Variants in PXDNL observed in about 807,000 individuals in gnomAD.
PXDNL encodes peroxidasin like.
A neutral mutation model predicts 150.8 loss-of-function variants in PXDNL; 145 were observed. That is an observed-to-expected ratio of 0.96 (90% CI 0.84 to 1.10). The LOEUF is 1.10. PXDNL is among the 50% of genes least tolerant of loss of function. PXDNL has a pLI of 0.00. For missense variants in PXDNL, 2,087 were observed against 1,873.9 expected (o/e 1.11, Z -2.10); for synonymous variants, 757 against 725.7 (o/e 1.04, Z -0.69).
rs995061284 is a variant in PXDNL, at chr8:51,424,374, TA to T, written c.1639-644del. 3.3e-5 allele frequency among the ~76,000 whole-genome samples: 5 copies of T among 151,730 alleles called. No individual in the cohort carries two copies. The South Asian group carries it at 8.3e-4, about 25-fold the overall frequency. ...ACATAGCAAGATCCCATATCTAAAA[TA>T]AAAAAAATAAAAATTAACGAGGAGA... On this transcript the variant is annotated intron_variant, in intron 13 of 22. Transcript: ENST00000356297.
chr8:51,633,069 C>T lies in PXDNL; in HGVS notation c.236+21620G>A, dbSNP rs182123503. 5.6e-3 allele frequency among the ~76,000 whole-genome samples: 846 copies of T among 152,132 alleles called. 4 individuals carry two copies. The highest frequency in any genetic ancestry group is 9.1e-3 in the Non-Finnish European group (622 of 67,988). On this transcript the variant is annotated intron_variant, in intron 2 of 22. Transcript: ENST00000356297. ...CTTCCCTCTCTCACCATTCTAATAC[C>T]CCCCGTGTCAATTTGTTCCCATATT...
At chr8:51,593,787 G>A (rs1346113289) in intron 2 of PXDNL, among the ~76,000 whole-genome samples, 1 of 152,138 alleles carries the variant, frequency 6.6e-6, no homozygotes, top group African/African-American at 2.4e-5. Context: ...GTGACTGCCT[G>A]GTGTCCTGGC....
chr8:51,784,737 A>G (rs2037445371), intron 1 of PXDNL, among the ~76,000 whole-genome samples: 1 of 44,574 alleles, frequency 2.2e-5, no homozygotes, highest in African/African-American at 3.3e-5. Flanking sequence ...CTGCAGTTAG[A>G]AAAAAAAAAT....
rs761492366 is a variant in PXDNL, at chr8:51,395,627, A to G, written c.3557+12440T>C. Among the ~76,000 whole-genome samples the G allele has an allele frequency of 2.6e-4, 39 of 152,316 alleles. No individual in the cohort carries two copies. The South Asian group carries it at 5.0e-3, about 19-fold the overall frequency. ...TGAAGCTGTGAAAGAGAGGATCTAGAAAGATTAAAAGATGATATAATTTGG... is the reference window on the plus strand; with the variant it reads ...TGAAGCTGTGAAAGAGAGGATCTAGGAAGATTAAAAGATGATATAATTTGG... On this transcript the variant is annotated intron_variant, in intron 17 of 22. Coordinates refer to ENST00000356297, the MANE Select transcript of PXDNL (RefSeq NM_144651.5).
At chr8:51,403,781 A>G (rs1168658841) in intron 17 of PXDNL, among the ~76,000 whole-genome samples, 7 of 152,190 alleles carry the variant, frequency 4.6e-5, no homozygotes, top group African/African-American at 1.7e-4. Context: ...GGTATTAATA[A>G]GCGGGGCCTT....
At chr8:51,761,219 CA>C (rs2037163635) in intron 1 of PXDNL, among the ~76,000 whole-genome samples, 1 of 151,842 alleles carries the variant, frequency 6.6e-6, no homozygotes, top group African/African-American at 2.4e-5. Context: ...GAATGAGAGG[CA>C]TTACTTGATA....
chr8:51,672,243 A>G (rs1815510997), intron 1 of PXDNL, among the ~76,000 whole-genome samples: 1 of 152,146 alleles, frequency 6.6e-6, no homozygotes. Context: ...CAGCCTCCCA[A>G]AGTGCTGGGA....
chr8:51,350,600 C>T (rs1271791192), intron 19 of PXDNL, among the ~76,000 whole-genome samples: 5 of 151,940 alleles, frequency 3.3e-5, no homozygotes, highest in Non-Finnish European at 7.4e-5. Flanking sequence ...GGTGATCCGC[C>T]CACCTCGGCC....
At position 51,735,978 on chromosome 8, in the gene PXDNL, C is replaced by G. The variant is rs145493178; in HGVS notation, c.164+73203G>C. On this transcript the variant is annotated intron_variant, in intron 1 of 22. Coordinates refer to ENST00000356297, the MANE Select transcript of PXDNL (RefSeq NM_144651.5). ...TATCTTTCTCCCTACCTGCCTACCACCACACCGTAAACCTAATAAACTCCC... is the reference window on the plus strand; with the variant it reads ...TATCTTTCTCCCTACCTGCCTACCAGCACACCGTAAACCTAATAAACTCCC... Among the ~76,000 whole-genome samples the G allele has an allele frequency of 5.3e-5, 8 of 152,212 alleles. No homozygotes were observed. The South Asian group carries it at 1.0e-3, about 20-fold the overall frequency.
chr8:51,513,962 G>T (rs1329762031), intron 4 of PXDNL, among the ~76,000 whole-genome samples: 2 of 152,134 alleles, frequency 1.3e-5, no homozygotes, highest in East Asian at 3.9e-4. Context: ...AATGAATATT[G>T]TTTCTCCTCT....
intron 4 of PXDNL, among the ~76,000 whole-genome samples, chr8:51,515,300 G>C (rs994862904): frequency 3.3e-5 from 5 of 152,122 alleles, no homozygotes; most frequent in Admixed American, 2.6e-4. Flanking sequence ...GGTTCCAGGG[G>C]GCAGGTCACA....
chr8:51,661,008 G>T (rs1563499002), intron 1 of PXDNL, among the ~76,000 whole-genome samples: 1 of 152,182 alleles, frequency 6.6e-6, no homozygotes, highest in Non-Finnish European at 1.5e-5. Flanking sequence ...CTGCCGCACT[G>T]CCCGGCCTTG....
In PXDNL at chr8:51,777,600, A is replaced by G. The variant is rs949764371; in HGVS notation, c.164+31581T>C. ...GCCTTCATGAAGTCAACTGGATGTC[A>G]TAAGTTATTCTTTGGTGTCAGCCAG... On this transcript the variant is annotated intron_variant, in intron 1 of 22. Transcript: ENST00000356297. Among the ~76,000 whole-genome samples the G allele has an allele frequency of 3.9e-5, 6 of 152,320 alleles. No individual in the cohort carries two copies. In the East Asian group the frequency reaches 5.8e-4, roughly 15 times the overall value.
At chr8:51,584,765 TG>T (rs1364175497) in intron 3 of PXDNL, among the ~76,000 whole-genome samples, 1 of 152,224 alleles carries the variant, frequency 6.6e-6, no homozygotes, top group Non-Finnish European at 1.5e-5. Context: ...TTATATGTTC[TG>T]TTAATGAGAT....
intron 4 of PXDNL, among the ~76,000 whole-genome samples, chr8:51,535,774 T>C (rs114525089): frequency 0.018 from 2,752 of 152,182 alleles, 85 homozygotes; most frequent in African/African-American, 0.062. Context: ...TATGGACTTC[T>C]CTTTTCTTCT....
At chr8:51,423,192 A>G (rs1003325572) in intron 14 of PXDNL, among the ~76,000 whole-genome samples, 16 of 152,156 alleles carry the variant, frequency 1.1e-4, no homozygotes, top group African/African-American at 3.9e-4. Context: ...CTAATTTTAA[A>G]CTGGGATTAA....
At chr8:51,607,038 T>A (rs983543617) in intron 2 of PXDNL, among the ~76,000 whole-genome samples, 1 of 152,210 alleles carries the variant, frequency 6.6e-6, no homozygotes, top group Non-Finnish European at 1.5e-5. Flanking sequence ...GTAAAACTTA[T>A]GTGTTTGGGA....
chr8:51,409,586 T>G, intron 16 of PXDNL, 25 bp from the exon 17 acceptor site: 1 of 1,521,598 alleles, frequency 6.6e-7, no homozygotes, highest in Non-Finnish European at 8.8e-7. Flanking sequence ...GCGAAAGCCG[T>G]GAGGAGGGCG....
chr8:51,445,050 G>T (rs1378461474), intron 12 of PXDNL, among the ~76,000 whole-genome samples: 1 of 151,842 alleles, frequency 6.6e-6, no homozygotes, highest in South Asian at 2.1e-4. Flanking sequence ...CTCCCGAGTA[G>T]CTGGGACTAC....
Sources: gnomAD v4.1 joint callset for allele counts (sites outside exome capture counted in the v4.1 genomes callset) on GRCh38, gnomAD v4.1.1 for gene constraint, MANE v1.5 for transcripts, NCBI Gene and HGNC (gene_info 2026-07-23, HGNC 2026-07-21) for gene names.